The following CDKAL1 variants were observed in gnomAD, a reference collection of about 807,000 sequenced individuals.
CDKAL1 encodes CDKAL1 threonylcarbamoyladenosine tRNA methylthiotransferase, also known as threonylcarbamoyladenosine tRNA methylthiotransferase.
In CDKAL1, 32 loss-of-function variants were observed where a neutral mutation model predicts 68.2. That is an observed-to-expected ratio of 0.47 (90% CI 0.35 to 0.63). The LOEUF is 0.63. Among genes scored for constraint, CDKAL1 ranks in the 30% least tolerant of loss-of-function variants. The pLI is 0.00. For synonymous variants in CDKAL1, 234 were observed against 244.3 expected (o/e 0.96, Z 0.39); for missense variants, 606 against 696.7 (o/e 0.87, Z 1.47).
chr6:20,977,145 C>T (rs970634210), intron 10 of CDKAL1, among the ~76,000 whole-genome samples: 2 of 152,010 alleles, frequency 1.3e-5, no homozygotes, highest in African/African-American at 4.8e-5. Flanking sequence ...AAGAAATGAC[C>T]TAGTGTAATT....
intron 9 of CDKAL1, among the ~76,000 whole-genome samples, chr6:20,862,663 GCGCGCGTGCA>G (rs1378312206): frequency 6.8e-5 from 10 of 147,602 alleles, no homozygotes; most frequent in South Asian, 4.2e-4. Context: ...GTGTGTGTGT[GCGCGCGTGCA>G]TGCGCGCGTG....
rs957867163 is a variant in CDKAL1 at position 20,781,085 on chromosome 6, G to A, written c.518-60G>A. On this transcript the variant is annotated intron_variant, in intron 7 of 15. Transcript: ENST00000274695. Reference sequence around the variant, plus strand: ...TTAAATGAACACATTTGTTGAAAGCGTTAAGTTACAGTGAAGTGTGTAACT... The same window carrying A: ...TTAAATGAACACATTTGTTGAAAGCATTAAGTTACAGTGAAGTGTGTAACT... 2.4e-5 allele frequency: 37 copies of A among 1,537,790 alleles called. No homozygotes were observed. The Middle Eastern group carries it at 8.6e-4, about 36-fold the overall frequency.
intron 5 of CDKAL1, among the ~76,000 whole-genome samples, chr6:20,736,137 TTC>T (rs57962971): frequency 3.3e-5 from 5 of 151,766 alleles, no homozygotes; most frequent in African/African-American, 4.8e-5. Flanking sequence ...TTTTTTTTTT[TTC>T]TCTCTGTTTT....
chr6:21,123,807 T>C (rs1191137628), intron 13 of CDKAL1, among the ~76,000 whole-genome samples: 3 of 152,256 alleles, frequency 2.0e-5, no homozygotes, highest in African/African-American at 7.2e-5. Context: ...AAGTTTGCTC[T>C]GAAAATTTGA....
chr6:21,008,943 T>A (rs1420590630), intron 11 of CDKAL1, among the ~76,000 whole-genome samples: 1 of 152,186 alleles, frequency 6.6e-6, no homozygotes, highest in African/African-American at 2.4e-5. Flanking sequence ...CACATAATAC[T>A]TTGCCTTCTT....
At chr6:21,041,718 A>G (rs1176117914) in intron 11 of CDKAL1, among the ~76,000 whole-genome samples, 1 of 151,860 alleles carries the variant, frequency 6.6e-6, no homozygotes. Flanking sequence ...TTTGTATAGC[A>G]TTTAAAATTT....
intron 6 of CDKAL1, 25 bp downstream of exon 6, chr6:20,739,640 G>T: frequency 7.3e-7 from 1 of 1,378,034 alleles, no homozygotes; most frequent in Middle Eastern, 1.8e-4. Flanking sequence ...GATGCAAAAA[G>T]AGAAAATCTT....
chr6:20,803,683 T>A (rs1429063229), intron 8 of CDKAL1, among the ~76,000 whole-genome samples: 2 of 152,092 alleles, frequency 1.3e-5, no homozygotes, highest in African/African-American at 2.4e-5. Flanking sequence ...TTAAGAAGTT[T>A]GTTGCCAGTG....
chr6:20,548,560 C>G, intron 3 of CDKAL1, 33 bp from the exon 4 acceptor site: 7 of 960,122 alleles, frequency 7.3e-6, no homozygotes, highest in Non-Finnish European at 1.2e-5. Flanking sequence ...CTCAATGAAA[C>G]TTACTTTTTT....
intron 6 of CDKAL1, 80 bp downstream of exon 6, chr6:20,739,695 G>T: frequency 1.3e-6 from 1 of 755,182 alleles, no homozygotes; most frequent in South Asian, 1.8e-5. Flanking sequence ...TTTTCTGTTT[G>T]TAGGTTATTT....
At chr6:20,895,812 C>T (rs1011550638) in intron 9 of CDKAL1, among the ~76,000 whole-genome samples, 4 of 152,124 alleles carry the variant, frequency 2.6e-5, no homozygotes, top group East Asian at 1.9e-4. Flanking sequence ...TGTCCAGTTG[C>T]GTGATTACTA....
intron 5 of CDKAL1, among the ~76,000 whole-genome samples, chr6:20,659,762 C>A (rs953447419): frequency 3.3e-5 from 5 of 152,146 alleles, no homozygotes; most frequent in African/African-American, 1.2e-4. Context: ...TCCTCCTTAT[C>A]TACCTCACCT....
intron 15 of CDKAL1, among the ~76,000 whole-genome samples, chr6:21,209,374 A>T (rs909488237): frequency 6.6e-6 from 1 of 152,224 alleles, no homozygotes; most frequent in Non-Finnish European, 1.5e-5. Flanking sequence ...CAGGCCCCCG[A>T]GCCTGAATTA....
chr6:21,180,229 A>G (rs1276996533), intron 13 of CDKAL1, among the ~76,000 whole-genome samples: 25 of 152,152 alleles, frequency 1.6e-4, no homozygotes, highest in Non-Finnish European at 1.5e-4. Flanking sequence ...CATAGTCATC[A>G]TGGTGGTTAG....
At chr6:20,734,159 AAAAAAAG>A (rs976669254) in intron 5 of CDKAL1, among the ~76,000 whole-genome samples, 1 of 151,736 alleles carries the variant, frequency 6.6e-6, no homozygotes, top group African/African-American at 2.4e-5. Context: ...GAAAAAAAAA[AAAAAAAG>A]AAAGAAAGAA....
intron 5 of CDKAL1, among the ~76,000 whole-genome samples, chr6:20,709,683 G>T (rs995995609): frequency 3.3e-5 from 5 of 152,112 alleles, no homozygotes; most frequent in African/African-American, 1.2e-4. Flanking sequence ...TTCAGAGTGG[G>T]TTAATTGAAC....
intron 5 of CDKAL1, among the ~76,000 whole-genome samples, chr6:20,660,874 A>G (rs1769255421): frequency 6.6e-6 from 1 of 152,198 alleles, no homozygotes. Context: ...AAGTAATATA[A>G]TTGCATTAAT....
chr6:20,844,385 C>T (rs1386785357), intron 8 of CDKAL1, among the ~76,000 whole-genome samples: 1 of 151,986 alleles, frequency 6.6e-6, no homozygotes, highest in Admixed American at 6.6e-5. Flanking sequence ...TGGGAGGGGG[C>T]AGCTTGGTAT....
At chr6:20,742,548 A>G (rs1773504564) in intron 6 of CDKAL1, among the ~76,000 whole-genome samples, 1 of 151,894 alleles carries the variant, frequency 6.6e-6, no homozygotes, top group Non-Finnish European at 1.5e-5. Context: ...GAGTTTTTTA[A>G]CCATTTTAAG....
Sources: allele counts gnomAD v4.1 joint callset (sites outside exome capture counted in the v4.1 genomes callset), GRCh38; gene constraint gnomAD v4.1.1; transcripts MANE v1.5; gene names NCBI Gene and HGNC (gene_info 2026-07-23, HGNC 2026-07-21).